Variants in CADPS2 observed in about 807,000 individuals in gnomAD.
The protein encoded by CADPS2 is calcium dependent secretion activator 2.
A neutral mutation model predicts 172.5 loss-of-function variants in CADPS2; 93 were observed. The observed-to-expected ratio is 0.54, with a 90% CI of 0.46 to 0.64. The LOEUF (loss-of-function observed/expected upper bound fraction) is 0.64, where lower values mean the gene tolerates loss of function less well. Ranked by LOEUF, CADPS2 falls within the 30% of genes least tolerant of loss-of-function variation. The pLI is 0.00. For synonymous variants in CADPS2, 546 were observed against 555.2 expected, an observed-to-expected ratio of 0.98 and a Z score of 0.23; for missense variants, 1,420 against 1,565.9, an observed-to-expected ratio of 0.91 and a Z score of 1.57.
chr7:122,431,980 A>T (rs931073464), intron 17 of CADPS2, among the ~76,000 whole-genome samples: 1 of 152,212 alleles, frequency 6.6e-6, no homozygotes, highest in African/African-American at 2.4e-5. Context: ...CATCACATAT[A>T]AAATGCTTAG....
At chr7:122,782,631 C>T (rs192026035) in intron 1 of CADPS2, among the ~76,000 whole-genome samples, 4 of 152,042 alleles carry the variant, frequency 2.6e-5, no homozygotes, top group Admixed American at 6.5e-5. Flanking sequence ...ACAACAACAA[C>T]AAAAAATTGA....
At chr7:122,442,311 C>A (rs942295902) in intron 15 of CADPS2, among the ~76,000 whole-genome samples, 2 of 152,154 alleles carry the variant, frequency 1.3e-5, no homozygotes, top group Non-Finnish European at 2.9e-5. Context: ...TTAAACAATA[C>A]TGAACATCAG....
At chr7:122,541,798 CATATAT>C in intron 8 of CADPS2, among the ~76,000 whole-genome samples, 1 of 88,920 alleles carries the variant, frequency 1.1e-5, no homozygotes, top group South Asian at 3.5e-4. Flanking sequence ...TTTATATATT[CATATAT>C]ATTTATATAT....
At chr7:122,565,178 T>C (rs560781487) in intron 7 of CADPS2, among the ~76,000 whole-genome samples, 18 of 151,824 alleles carry the variant, frequency 1.2e-4, no homozygotes, top group African/African-American at 4.3e-4. Context: ...TTCACCGCTA[T>C]GCAGTATAAC....
chr7:122,843,826 T>C (rs924963623), intron 1 of CADPS2, among the ~76,000 whole-genome samples: 8 of 152,002 alleles, frequency 5.3e-5, no homozygotes, highest in Non-Finnish European at 1.2e-4. Context: ...CATGATGAAA[T>C]GGCAGGCAAG....
chr7:122,846,887 A>G (rs1812134139), intron 1 of CADPS2, among the ~76,000 whole-genome samples: 3 of 152,198 alleles, frequency 2.0e-5, no homozygotes, highest in Non-Finnish European at 4.4e-5. Flanking sequence ...TAGTATGGCC[A>G]GTAGCCAAAG....
intron 11 of CADPS2, among the ~76,000 whole-genome samples, chr7:122,486,470 C>T (rs2152287635): frequency 6.6e-6 from 1 of 152,248 alleles, no homozygotes. Context: ...ATTAAAAGTG[C>T]AGCCTGAAGA....
At chr7:122,578,827 C>T (rs915558464) in intron 7 of CADPS2, among the ~76,000 whole-genome samples, 1 of 152,010 alleles carries the variant, frequency 6.6e-6, no homozygotes, top group Non-Finnish European at 1.5e-5. Context: ...AATGATGGTG[C>T]TTTGAATTAG....
At chr7:122,374,363 C>T (rs2042099105) in intron 25 of CADPS2, among the ~76,000 whole-genome samples, 1 of 151,894 alleles carries the variant, frequency 6.6e-6, no homozygotes, top group East Asian at 1.9e-4. Flanking sequence ...ACACTTACCA[C>T]TTCTATTCAA....
At chr7:122,597,401 G>A (rs981630706) in intron 6 of CADPS2, among the ~76,000 whole-genome samples, 4 of 152,110 alleles carry the variant, frequency 2.6e-5, no homozygotes, top group African/African-American at 7.2e-5. Flanking sequence ...TGGTCTGAAT[G>A]TATGTGTCCC....
intron 1 of CADPS2, among the ~76,000 whole-genome samples, chr7:122,874,743 C>A (rs1758860768): frequency 6.6e-6 from 1 of 152,192 alleles, no homozygotes; most frequent in Admixed American, 6.6e-5. Flanking sequence ...CTACAACCAT[C>A]TGATCTTTGA....
intron 3 of CADPS2, among the ~76,000 whole-genome samples, chr7:122,662,327 G>T (rs1451060639): frequency 4.0e-5 from 6 of 150,082 alleles, no homozygotes. Context: ...AAATCATTGG[G>T]TCTAAAAAAT....
In CADPS2 at chr7:122,726,597, G is replaced by T. The variant is rs1277335495; in HGVS notation, c.453+10358C>A. On this transcript the variant is annotated intron_variant, in intron 2 of 29. Transcript: ENST00000449022. ...AGAACTATTGAGTAAATCTGACAGA[G>T]GATTAGCAAACGACATGCACGAAAC... is the stretch of plus-strand genomic sequence containing the variant. 3.3e-5 allele frequency among the ~76,000 whole-genome samples: 5 copies of T among 151,876 alleles called. 1 individual carries two copies. Among genetic ancestry groups the T allele is most frequent in the Admixed American group, 2.6e-4 (4 of 15,190 alleles).
chr7:122,838,001 C>G (rs1056434019), intron 1 of CADPS2, among the ~76,000 whole-genome samples: 4 of 152,214 alleles, frequency 2.6e-5, no homozygotes, highest in African/African-American at 7.2e-5. Flanking sequence ...GACGAATATG[C>G]CTGATGAATA....
chr7:122,607,249 G>A (rs537555587), intron 6 of CADPS2, among the ~76,000 whole-genome samples: 4 of 152,182 alleles, frequency 2.6e-5, no homozygotes, highest in African/African-American at 9.6e-5. Flanking sequence ...AAACTGTTCT[G>A]AAAAATTTAG....
chr7:122,329,931 C>T (rs1022412632), intron 28 of CADPS2, among the ~76,000 whole-genome samples: 5 of 152,152 alleles, frequency 3.3e-5, no homozygotes, highest in Non-Finnish European at 5.9e-5. Context: ...ATAGCTGCTT[C>T]GCTAGGGCAC....
intron 9 of CADPS2, among the ~76,000 whole-genome samples, chr7:122,511,054 G>C (rs771933187): frequency 2.6e-5 from 4 of 152,150 alleles, no homozygotes; most frequent in South Asian, 2.1e-4. Flanking sequence ...ATTTTAAAAA[G>C]AAACCTCAGG....
At chr7:122,572,253 TAGG>T (rs2067367367) in intron 7 of CADPS2, among the ~76,000 whole-genome samples, 1 of 152,178 alleles carries the variant, frequency 6.6e-6, no homozygotes, top group African/African-American at 2.4e-5. Flanking sequence ...TCTTCATATA[TAGG>T]AGACTTTTAT....
Position 122,642,064 on chromosome 7 carries a change from G to A in CADPS2, c.787-12736C>T, listed in dbSNP as rs563153462. ...GGAAGCTGAGGCAGGTGGATCACTT[G>A]AGGTCAGGAGTTCGAGACCAGCCTG... On this transcript the variant is annotated intron_variant, in intron 3 of 29. Coordinates refer to ENST00000449022, the MANE Select transcript of CADPS2 (RefSeq NM_017954.11). Among the ~76,000 whole-genome samples the A allele has an allele frequency of 6.9e-4, 105 of 152,088 alleles. 1 individual carries two copies. The highest frequency in any genetic ancestry group is 3.4e-3 in the Middle Eastern group (1 of 294).
Sources: allele counts gnomAD v4.1 joint callset (sites outside exome capture counted in the v4.1 genomes callset), GRCh38; gene constraint gnomAD v4.1.1; transcripts MANE v1.5; gene names NCBI Gene and HGNC (gene_info 2026-07-23, HGNC 2026-07-21).